The following USP32 variants were observed in gnomAD, a reference collection of about 807,000 sequenced individuals.
USP32 encodes ubiquitin specific peptidase 32, also known as ubiquitin carboxyl-terminal hydrolase 32.
In USP32, 59 loss-of-function variants were observed where a neutral mutation model predicts 204.8. The ratio of observed to expected loss-of-function variants is 0.29; its 90% confidence interval spans 0.23 to 0.36. The LOEUF (loss-of-function observed/expected upper bound fraction) is 0.36. USP32 is among the 10% of genes least tolerant of loss of function. The pLI is 1.00. For missense variants in USP32, 1,160 were observed against 1,946.4 expected (o/e 0.60, Z 7.60); for synonymous variants, 517 against 678.4 (o/e 0.76, Z 3.70).
chr17:60,260,342 G>A (rs1223506867), intron 9 of USP32, among the ~76,000 whole-genome samples: 1 of 151,990 alleles, frequency 6.6e-6, no homozygotes, highest in Non-Finnish European at 1.5e-5. Context: ...CCAACATGGT[G>A]AAACCTAGTC....
chr17:60,236,192 G>C lies in USP32; in HGVS notation c.1185C>G (p.Asn395Lys), dbSNP rs2085719985. 1 of 1,613,876 alleles carries C rather than the reference G, an allele frequency of 6.2e-7. No individual in the cohort carries two copies. The highest frequency in any genetic ancestry group is 8.5e-7 in the Non-Finnish European group (1 of 1,179,922). ...ESRYGLQAGHNWFIISMQWWQ... is the reference protein window; with the variant it reads ...ESRYGLQAGHKWFIISMQWWQ... ...ACCACTGCATGGAGATGATAAACCA[G>C]TTGTGTCCTGCTTGCAGACCATACC... The change falls in exon 12 of 34, where the codon AAC becomes AAG. Residue 395 changes from asparagine (N) to lysine (K), a missense_variant. Transcript: ENST00000300896.
At chr17:60,278,362 G>A (rs2086889210) in intron 5 of USP32, among the ~76,000 whole-genome samples, 2 of 151,926 alleles carry the variant, frequency 1.3e-5, no homozygotes, top group South Asian at 4.1e-4. Flanking sequence ...ATCTAGTGTG[G>A]AAAGTACAAT....
intron 26 of USP32, among the ~76,000 whole-genome samples, chr17:60,204,639 T>A (rs1426017158): frequency 6.6e-6 from 1 of 152,034 alleles, no homozygotes; most frequent in East Asian, 1.9e-4. Flanking sequence ...CAGCTAATTT[T>A]TTTATTTTTA....
chr17:60,389,742 C>T (rs1243986731), intron 1 of USP32, among the ~76,000 whole-genome samples: 1 of 151,668 alleles, frequency 6.6e-6, no homozygotes, highest in Admixed American at 6.6e-5. Flanking sequence ...GCCGGCCGGG[C>T]GCGGTGGCTC....
intron 2 of USP32, among the ~76,000 whole-genome samples, chr17:60,338,496 C>T (rs1218194156): frequency 1.3e-5 from 2 of 151,962 alleles, no homozygotes; most frequent in Admixed American, 6.6e-5. Context: ...TTTGGGAAGT[C>T]GAGGCAGGGT....
intron 2 of USP32, among the ~76,000 whole-genome samples, chr17:60,345,168 A>G (rs1419487761): frequency 1.3e-5 from 2 of 152,210 alleles, no homozygotes; most frequent in East Asian, 3.8e-4. Flanking sequence ...TTTGCAACAT[A>G]AAAATTTTTA....
intron 11 of USP32, among the ~76,000 whole-genome samples, chr17:60,246,167 A>G (rs978048118): frequency 1.1e-4 from 17 of 152,016 alleles, no homozygotes; most frequent in African/African-American, 3.9e-4. Context: ...ACCTCTCTTC[A>G]ATATTATCCC....
upstream of USP32, among the ~76,000 whole-genome samples, chr17:60,396,333 T>C (rs2089900857): frequency 6.6e-6 from 1 of 152,112 alleles, no homozygotes; most frequent in Non-Finnish European, 1.5e-5. Flanking sequence ...TGCCTTAGTC[T>C]CCCAAAGTGC....
chr17:60,198,565 A>T, intron 26 of USP32, 121 bp from the exon 27 acceptor site: 1 of 1,217,956 alleles, frequency 8.2e-7, no homozygotes, highest in Non-Finnish European at 1.1e-6. Context: ...TCACTATCAC[A>T]TTCTTCTCTG....
intron 16 of USP32, among the ~76,000 whole-genome samples, chr17:60,218,392 T>C (rs1334052612): frequency 1.3e-5 from 2 of 151,650 alleles, no homozygotes; most frequent in African/African-American, 4.8e-5. Flanking sequence ...TCGAAAAAAA[T>C]AAAAAATAAA....
At chr17:60,380,318 A>G (rs1411334649) in intron 1 of USP32, among the ~76,000 whole-genome samples, 4 of 152,140 alleles carry the variant, frequency 2.6e-5, no homozygotes, top group Admixed American at 6.5e-5. Context: ...TGTAATCCCA[A>G]CACTTTGGGA....
chr17:60,351,135 A>G (rs1349558180), intron 1 of USP32, among the ~76,000 whole-genome samples: 3 of 152,134 alleles, frequency 2.0e-5, no homozygotes, highest in Admixed American at 2.0e-4. Flanking sequence ...TCAGGGGGGT[A>G]AAAGGTGAGG....
At position 60,279,090 on chromosome 17, in the gene USP32, G is replaced by A. The variant is rs542376096; in HGVS notation, c.572-7609C>T. The stretch of plus-strand genomic sequence containing the variant: ...ACTTTTAATTACATAGAATGTTTAT[G>A]CTCCCTATACAAGCTTTCTGACTCA... On this transcript the variant is annotated intron_variant, in intron 5 of 33. Coordinates refer to ENST00000300896, the MANE Select transcript of USP32 (RefSeq NM_032582.4). Among the ~76,000 whole-genome samples the A allele has an allele frequency of 2.6e-5, 4 of 152,286 alleles. No individual in the cohort carries two copies. The South Asian group carries it at 8.3e-4, about 32-fold the overall frequency.
chr17:60,393,258 AG>A (rs1375511231), upstream of USP32, among the ~76,000 whole-genome samples: 2 of 152,146 alleles, frequency 1.3e-5, no homozygotes, highest in Non-Finnish European at 2.9e-5. Flanking sequence ...CGTGCCTTCC[AG>A]GTTCATGGTG....
At chr17:60,288,775 T>C (rs2087189407) in intron 4 of USP32, 93 bp from the exon 5 acceptor site, 3 of 1,033,708 alleles carry the variant, frequency 2.9e-6, no homozygotes, top group Non-Finnish European at 4.2e-6. Context: ...TAGTTGGCAA[T>C]TACCTTTCTG....
At chr17:60,301,521 C>A in intron 3 of USP32, 78 bp downstream of exon 3, 1 of 868,010 alleles carries the variant, frequency 1.2e-6, no homozygotes, top group Non-Finnish European at 1.7e-6. Context: ...AATTCAAATC[C>A]TCTACCTGTC....
chr17:60,213,764 T>C, intron 17 of USP32, 102 bp from the exon 18 acceptor site: 1 of 1,343,022 alleles, frequency 7.4e-7, no homozygotes, highest in South Asian at 1.5e-5. Context: ...TTCTTTGTAG[T>C]TATATAACAT....
In USP32 at chr17:60,287,039, A is replaced by G. The variant is rs542529915; in HGVS notation, c.571+1484T>C. On this transcript the variant is annotated intron_variant, in intron 5 of 33. Coordinates refer to ENST00000300896, the MANE Select transcript of USP32 (RefSeq NM_032582.4). Reference sequence around the variant, plus strand: ...GTGGCAGGCACCTATAATCCCAGCTACTCAGGAGGCTGAGGCAGAAGAATC... The same window carrying G: ...GTGGCAGGCACCTATAATCCCAGCTGCTCAGGAGGCTGAGGCAGAAGAATC... Among the ~76,000 whole-genome samples the G allele has an allele frequency of 2.6e-5, 4 of 152,194 alleles. No individual in the cohort carries two copies. In the East Asian group the frequency reaches 7.7e-4, roughly 29 times the overall value.
intron 2 of USP32, among the ~76,000 whole-genome samples, chr17:60,317,534 T>G (rs577669705): frequency 2.6e-4 from 38 of 144,022 alleles, no homozygotes; most frequent in Non-Finnish European, 5.0e-4. Flanking sequence ...AAAAAAAAAG[T>G]TAAAATGGTT....
Sources: allele counts gnomAD v4.1 joint callset (sites outside exome capture counted in the v4.1 genomes callset), GRCh38; gene constraint gnomAD v4.1.1; transcripts MANE v1.5; gene names NCBI Gene and HGNC (gene_info 2026-07-23, HGNC 2026-07-21).